The following SNTA1 variants were observed in gnomAD, a reference collection of about 807,000 sequenced individuals.
SNTA1 encodes the protein syntrophin alpha 1.
Under a neutral mutation model 47.1 loss-of-function variants are expected in SNTA1, and 31 were observed. The observed-to-expected ratio is 0.66, with a 90% CI of 0.49 to 0.89. SNTA1 has a LOEUF of 0.89. SNTA1 is among the 40% of genes least tolerant of loss of function. The pLI is 0.00. For synonymous variants in SNTA1, 300 were observed against 313.6 expected, an observed-to-expected ratio of 0.96 and a Z score of 0.46; for missense variants, 575 against 693.0, an observed-to-expected ratio of 0.83 and a Z score of 1.91.
At chr20:33,414,585 T>A (rs1989830362) in intron 3 of SNTA1, among the ~76,000 whole-genome samples, 1 of 151,912 alleles carries the variant, frequency 6.6e-6, no homozygotes, top group African/African-American at 2.4e-5. Flanking sequence ...CAGAGCGAGA[T>A]CCCCCATCTC....
rs1283111325 is a variant in SNTA1 at position 33,410,245 on chromosome 20, A to T, written c.1127T>A (p.Val376Glu). Residue 376 changes from valine to glutamate, a missense_variant, in exon 6 of 8, where the codon GTG becomes GAG. Physicochemically the swap from Val to Glu is moderately radical, Grantham distance 121 (BLOSUM62 -2). Coordinates refer to ENST00000217381, the MANE Select transcript of SNTA1 (RefSeq NM_003098.3). Reference sequence around the variant, plus strand: ...CTCCACGCTGAACAGGTGAGTGTCCACACCGTGACGCGTGCCCGTGCGCAG... The same window carrying T: ...CTCCACGCTGAACAGGTGAGTGTCCTCACCGTGACGCGTGCCCGTGCGCAG... ...FALRTGTRHG[V>E]DTHLFSVESP... The T allele has an allele frequency of 6.2e-7, 1 of 1,613,664 alleles. No individual in the cohort carries two copies. Among genetic ancestry groups the T allele is most frequent in the South Asian group, 1.1e-5 (1 of 91,038 alleles).
rs77700180 is a variant in SNTA1, at chr20:33,412,121, C to T, written c.1040+175G>A. Among the ~76,000 whole-genome samples, 1,128 of 152,328 alleles carry T rather than the reference C, an allele frequency of 7.4e-3. 10 individuals are homozygous for T. The highest frequency in any genetic ancestry group is 0.026 in the African/African-American group (1,067 of 41,578). On this transcript the variant is annotated intron_variant, in intron 5 of 7. Coordinates refer to ENST00000217381, the MANE Select transcript of SNTA1 (RefSeq NM_003098.3). ...ATGGGGACCTTATATCCTTTTGTTCCAAGCACCCATTTTACAGATGAGGAA... is the reference window on the plus strand; with the variant it reads ...ATGGGGACCTTATATCCTTTTGTTCTAAGCACCCATTTTACAGATGAGGAA...
chr20:33,419,357 G>C (rs746881136), intron 2 of SNTA1, among the ~76,000 whole-genome samples: 14 of 152,202 alleles, frequency 9.2e-5, no homozygotes, highest in Non-Finnish European at 1.9e-4. Flanking sequence ...CTCCCTGGAA[G>C]AACCAGATAA....
At position 33,443,492 on chromosome 20, in the gene SNTA1, G is replaced by A. The variant is rs956270311; in HGVS notation, c.129C>T (p.Ser43=). 4.9e-5 allele frequency: 67 copies of A among 1,379,870 alleles called. 1 individual carries two copies. The highest frequency in any genetic ancestry group is 6.1e-5 in the Non-Finnish European group (65 of 1,061,900). 85.5% of individuals were successfully genotyped at this position (1,379,870 alleles called of 1,614,324 possible). The part of the protein sequence containing the change: ...LSLAEDVLTV[S]PADGDPGPEP... ...CGGGACCAGGGTCGCCGTCGGCGGG[G>A]CTCACGGTCAGCACGTCCTCCGCCA... Residue 43 remains serine, a synonymous_variant, in exon 1 of 8, where the codon AGC becomes AGT. Transcript: ENST00000217381.
In SNTA1 at chr20:33,443,574, C is replaced by G. The variant is rs1158625885; in HGVS notation, c.47G>C (p.Arg16Pro). 4 of 1,317,846 alleles carry G rather than the reference C, an allele frequency of 3.0e-6. No homozygotes were observed. The highest frequency in any genetic ancestry group is 2.9e-4 in the Middle Eastern group (1 of 3,490). 81.6% of individuals were successfully genotyped at this position (1,317,846 alleles called of 1,614,324 possible). A position where few individuals can be genotyped will look rare whatever the true frequency, so the allele number is the denominator to read the frequency against. Residue 16 changes from arginine (R) to proline (P), a missense_variant, in exon 1 of 8, where the codon CGC (arginine) becomes CCC (proline). Physicochemically the swap from Arg to Pro is moderately radical, Grantham distance 103 (BLOSUM62 -2). Coordinates refer to ENST00000217381, the MANE Select transcript of SNTA1 (RefSeq NM_003098.3). ...GCCGGCCCCCGAGCCCGCCCCGGCGCGCAGCTCCAGCAGCCCGGTGCGCGG... is the reference window on the plus strand; with the variant it reads ...GCCGGCCCCCGAGCCCGCCCCGGCGGGCAGCTCCAGCAGCCCGGTGCGCGG... ...RAPRTGLLEL[R>P]AGAGSGAGGE...
At chr20:33,424,944 G>A (rs1053640070) in intron 2 of SNTA1, among the ~76,000 whole-genome samples, 2 of 151,766 alleles carry the variant, frequency 1.3e-5, no homozygotes, top group African/African-American at 2.4e-5. Context: ...GTGAAACCCC[G>A]TCTCTACTAA....
rs1418835655 is a variant in SNTA1, at chr20:33,437,341, T to G, written c.496+1500A>C. ...ACTCAGGAGGTTGAGGTGGGAGGAT[T>G]GTTTGAGCCCCGGGGGGTGGAGGGT... On this transcript the variant is annotated intron_variant, in intron 2 of 7. Transcript: ENST00000217381. Among the ~76,000 whole-genome samples, 9 of 150,268 alleles carry G rather than the reference T, an allele frequency of 6.0e-5. No homozygotes were observed. In the East Asian group the frequency reaches 1.8e-3, roughly 29 times the overall value.
intron 5 of SNTA1, among the ~76,000 whole-genome samples, chr20:33,411,745 A>G (rs1300412585): frequency 6.6e-6 from 1 of 152,206 alleles, no homozygotes; most frequent in East Asian, 1.9e-4. Context: ...TCCTGCATGA[A>G]TTCTGGTTAT....
chr20:33,414,026 G>A (rs1989811733), intron 3 of SNTA1, among the ~76,000 whole-genome samples: 1 of 151,820 alleles, frequency 6.6e-6, no homozygotes, highest in Non-Finnish European at 1.5e-5. Flanking sequence ...ATCACCTGAG[G>A]TAGGGAGTTC....
chr20:33,436,228 G>A (rs969884269), intron 2 of SNTA1, among the ~76,000 whole-genome samples: 2 of 152,210 alleles, frequency 1.3e-5, no homozygotes, highest in South Asian at 2.1e-4. Flanking sequence ...AAATAAAGAT[G>A]AGGAGGTGAG....
Position 33,408,690 on chromosome 20 carries a change from C to T in SNTA1, c.1425+11G>A, listed in dbSNP as rs1000912025. 6.2e-7 allele frequency: 1 copy of T among 1,613,670 alleles called. No homozygotes were observed. The highest frequency in any genetic ancestry group is 1.3e-5 in the African/African-American group (1 of 74,884). ...CTCCTCCCCAGGGTGCAGAGGCAGC[C>T]CCTCACTCACGATCTCGCCTTCAGC... On this transcript the variant is annotated intron_variant, in intron 7 of 7. Coordinates refer to ENST00000217381, the MANE Select transcript of SNTA1 (RefSeq NM_003098.3).
chr20:33,415,611 C>T (rs377233095), intron 3 of SNTA1, among the ~76,000 whole-genome samples: 6 of 151,140 alleles, frequency 4.0e-5, no homozygotes, highest in East Asian at 1.9e-4. Flanking sequence ...GGTGAACCCC[C>T]GTCTCTGCTA....
intron 2 of SNTA1, among the ~76,000 whole-genome samples, chr20:33,427,810 T>C (rs1279549811): frequency 6.6e-6 from 1 of 152,186 alleles, no homozygotes; most frequent in African/African-American, 2.4e-5. Flanking sequence ...AGACACTCAC[T>C]ACTCAGTCTT....
chr20:33,439,706 C>T (rs1049528539), intron 1 of SNTA1, among the ~76,000 whole-genome samples: 8 of 152,102 alleles, frequency 5.3e-5, no homozygotes, highest in Admixed American at 2.0e-4. Context: ...TGAAAATAAC[C>T]GGACAAAGTG....
At chr20:33,433,327 C>G (rs1432861896) in intron 2 of SNTA1, among the ~76,000 whole-genome samples, 1 of 141,660 alleles carries the variant, frequency 7.1e-6, no homozygotes, top group African/African-American at 2.6e-5. Context: ...TACAATGGTT[C>G]GATCTTGGCT....
At chr20:33,421,124 G>A (rs1990008233) in intron 2 of SNTA1, among the ~76,000 whole-genome samples, 1 of 148,306 alleles carries the variant, frequency 6.7e-6, no homozygotes, top group Non-Finnish European at 1.5e-5. Flanking sequence ...AGCAAGCCAT[G>A]ATTACGCCAT....
chr20:33,415,889 A>G (rs1989862332), intron 3 of SNTA1, among the ~76,000 whole-genome samples: 1 of 151,936 alleles, frequency 6.6e-6, no homozygotes, highest in African/African-American at 2.4e-5. Context: ...TGGGCGGATC[A>G]CCTGAGGTCA....
intron 2 of SNTA1, among the ~76,000 whole-genome samples, chr20:33,430,328 G>A (rs1463576711): frequency 3.0e-5 from 4 of 132,120 alleles, no homozygotes; most frequent in Admixed American, 9.3e-5. Flanking sequence ...TCACTCTGTC[G>A]CCCAGGCTGG....
chr20:33,412,825 C>T, intron 3 of SNTA1, 43 bp from the exon 4 acceptor site: 1 of 1,390,752 alleles, frequency 7.2e-7, no homozygotes, highest in East Asian at 2.4e-5. Context: ...GACCATTAGG[C>T]TGCAGCTGCC....
Sources: allele counts gnomAD v4.1 joint callset (sites outside exome capture counted in the v4.1 genomes callset), GRCh38; gene constraint gnomAD v4.1.1; transcripts MANE v1.5; gene names NCBI Gene and HGNC (gene_info 2026-07-23, HGNC 2026-07-21).